RTN3: variants seen among roughly 807,000 people sequenced by gnomAD.
The protein encoded by RTN3 is reticulon-3.
RTN3 carries 49 observed loss-of-function variants against 77.8 expected under a neutral mutation model. The ratio of observed to expected loss-of-function variants is 0.63; its 90% CI spans 0.50 to 0.80. The LOEUF (loss-of-function observed/expected upper bound fraction) is 0.80. RTN3 is among the 30% of genes least tolerant of loss of function. RTN3 has a pLI of 0.00. For missense variants in RTN3, 1,236 were observed against 1,211.9 expected (o/e 1.02, Z -0.29); for synonymous variants, 464 against 446.9 (o/e 1.04, Z -0.48).
At chr11:63,728,818 C>T (rs2012462954) in intron 3 of RTN3, among the ~76,000 whole-genome samples, 1 of 147,542 alleles carries the variant, frequency 6.8e-6, no homozygotes, top group African/African-American at 2.5e-5. Context: ...ACCCAGGAGG[C>T]GGAGGTTGCA....
At chr11:63,684,833 C>T (rs1941280005) in intron 1 of RTN3, among the ~76,000 whole-genome samples, 2 of 152,114 alleles carry the variant, frequency 1.3e-5, no homozygotes, top group African/African-American at 4.8e-5. Context: ...GATCTTGGCT[C>T]ACTGCAACCT....
At chr11:63,742,689 A>G (rs2013557944) in intron 3 of RTN3, among the ~76,000 whole-genome samples, 2 of 152,132 alleles carry the variant, frequency 1.3e-5, no homozygotes, top group Admixed American at 1.3e-4. Context: ...GTGAAGAATT[A>G]TAGGTCAATT....
intron 3 of RTN3, among the ~76,000 whole-genome samples, chr11:63,746,567 T>A (rs926972758): frequency 1.3e-5 from 2 of 151,808 alleles, no homozygotes; most frequent in Non-Finnish European, 2.9e-5. Flanking sequence ...CAAGCTAGAG[T>A]GAAGTGGCGC....
rs199892486 is a variant in RTN3, at chr11:63,750,049, G to C, written c.2589G>C (p.Thr863=). Reference sequence around the variant, plus strand: ...AGACTGGGTTTGTCTTTGGCACCACGCTGATCATGCTGCTTTCCCTGGCAG... The same window carrying C: ...AGACTGGGTTTGTCTTTGGCACCACCCTGATCATGCTGCTTTCCCTGGCAG... ...VKKTGFVFGT[T]LIMLLSLAAF... is the part of the protein sequence containing the mutation. The change falls in exon 4 of 9, where the codon ACG becomes ACC. Residue 863 remains threonine, a synonymous_variant. Coordinates refer to ENST00000377819, the MANE Select transcript of RTN3 (RefSeq NM_001265589.2). 1.2e-6 allele frequency: 2 copies of C among 1,613,864 alleles called. No homozygotes were observed. The highest frequency in any genetic ancestry group is 4.5e-5 in the East Asian group (2 of 44,884).
At position 63,681,602 on chromosome 11, in the gene RTN3, CTT is replaced by C. The variant is rs1941040659; in HGVS notation, c.-32_-31del. On this transcript the variant is annotated 5_prime_UTR_variant, in exon 1 of 9. Coordinates refer to ENST00000377819, the MANE Select transcript of RTN3 (RefSeq NM_001265589.2). The stretch of plus-strand genomic sequence containing the variant: ...CCTCCCTCTCTCCCGCCCCGTATCT[CTT>C]TTCACCCTTCTCCCACCCTCGCTCG... 2 of 1,566,330 alleles carry C rather than the reference CTT, an allele frequency of 1.3e-6. No individual in the cohort carries two copies. The highest frequency in any genetic ancestry group is 1.1e-5 in the South Asian group (1 of 87,594).
rs112366604 is a variant in RTN3, at chr11:63,720,367, A to G, written c.1865A>G (p.Glu622Gly). The G allele has an allele frequency of 1.1e-5, 17 of 1,614,094 alleles. No individual in the cohort carries two copies. The African/African-American group carries it at 1.6e-4, about 15-fold the overall frequency. Reference sequence around the variant, plus strand: ...ACAGTGTCTCCAAATGTTTTTAATGAGACAGAATTCTCATTAAATGTGACA... The same window carrying G: ...ACAGTGTCTCCAAATGTTTTTAATGGGACAGAATTCTCATTAAATGTGACA... ...PSTVSPNVFN[E>G]TEFSLNVTTS... Residue 622 changes from glutamate to glycine, a missense_variant, in exon 3 of 9, where the codon GAG (glutamate) becomes GGG (glycine). This residue lies in a region of RTN3 where 1,056 missense variants were observed against 990.4 expected (regional missense o/e 1.07). Transcript: ENST00000377819.
At chr11:63,730,853 C>T (rs1174141020) in intron 3 of RTN3, among the ~76,000 whole-genome samples, 1 of 152,052 alleles carries the variant, frequency 6.6e-6, no homozygotes, top group East Asian at 1.9e-4. Context: ...TATTGGCAAT[C>T]TGTAATAATT....
At chr11:63,691,753 A>G (rs145143817) in intron 1 of RTN3, among the ~76,000 whole-genome samples, 6 of 152,280 alleles carry the variant, frequency 3.9e-5, no homozygotes, top group Non-Finnish European at 8.8e-5. Flanking sequence ...AATTCTGTCA[A>G]TCTCCATTGC....
chr11:63,729,259 G>A (rs901309014), intron 3 of RTN3, among the ~76,000 whole-genome samples: 11 of 151,976 alleles, frequency 7.2e-5, no homozygotes, highest in Non-Finnish European at 1.6e-4. Flanking sequence ...ATTGGAAGTG[G>A]TAAACACCTG....
rs567009833 is a variant in RTN3 at position 63,693,044 on chromosome 11, G to A, written c.142+11266G>A. ...CCTTCCTTGGCTTCTCGATGTGCTG[G>A]GATTACAGGCATAAGCCACCATGCC... On this transcript the variant is annotated intron_variant, in intron 1 of 8. Coordinates refer to ENST00000377819, the MANE Select transcript of RTN3 (RefSeq NM_001265589.2). Among the ~76,000 whole-genome samples, 3 of 152,090 alleles carry A rather than the reference G, an allele frequency of 2.0e-5. No individual in the cohort carries two copies. The South Asian group carries it at 6.2e-4, about 32-fold the overall frequency.
chr11:63,745,352 CTG>C (rs1276280048), intron 3 of RTN3, among the ~76,000 whole-genome samples: 1 of 152,162 alleles, frequency 6.6e-6, no homozygotes, highest in Non-Finnish European at 1.5e-5. Flanking sequence ...TCGGTAACAA[CTG>C]TGAAGAGCCT....
intron 1 of RTN3, among the ~76,000 whole-genome samples, chr11:63,686,382 A>G (rs1432639332): frequency 3.3e-5 from 5 of 150,606 alleles, no homozygotes; most frequent in Non-Finnish European, 7.4e-5. Flanking sequence ...GAGGCAGGAG[A>G]ATGGCGTGAA....
chr11:63,726,826 C>T (rs190494962), intron 3 of RTN3, among the ~76,000 whole-genome samples: 2 of 148,678 alleles, frequency 1.3e-5, no homozygotes, highest in East Asian at 4.0e-4. Context: ...CATGCCATTG[C>T]ACTACAGCCT....
At chr11:63,734,070 T>A (rs1043677792) in intron 3 of RTN3, among the ~76,000 whole-genome samples, 2 of 152,294 alleles carry the variant, frequency 1.3e-5, no homozygotes, top group Middle Eastern at 3.4e-3. Context: ...GGTAATTCCC[T>A]CAGTCTAATA....
intron 1 of RTN3, among the ~76,000 whole-genome samples, chr11:63,694,168 A>T (rs1056074663): frequency 6.6e-6 from 1 of 151,096 alleles, no homozygotes; most frequent in East Asian, 1.9e-4. Flanking sequence ...CCAGTTTATT[A>T]ATTAATTATG....
chr11:63,737,825 T>A (rs2013229555), intron 3 of RTN3, among the ~76,000 whole-genome samples: 1 of 152,176 alleles, frequency 6.6e-6, no homozygotes, highest in African/African-American at 2.4e-5. Flanking sequence ...TTGAAAGGGG[T>A]TCCTACATAT....
chr11:63,707,871 T>C, intron 2 of RTN3, among the ~76,000 whole-genome samples: 1 of 152,174 alleles, frequency 6.6e-6, no homozygotes, highest in Non-Finnish European at 1.5e-5. Context: ...TATCCTCGAA[T>C]GGGTTTCATT....
chr11:63,704,471 G>A (rs1942398300), intron 1 of RTN3, among the ~76,000 whole-genome samples: 1 of 152,138 alleles, frequency 6.6e-6, no homozygotes, highest in Non-Finnish European at 1.5e-5. Flanking sequence ...TCCAGGAATG[G>A]TTAAAAGCAA....
intron 3 of RTN3, among the ~76,000 whole-genome samples, chr11:63,749,484 T>C (rs1256687842): frequency 2.0e-5 from 3 of 152,208 alleles, no homozygotes; most frequent in Non-Finnish European, 4.4e-5. Flanking sequence ...TTTTATAGTC[T>C]GTTCACCTAA....
Sources: allele counts gnomAD v4.1 joint callset (sites outside exome capture counted in the v4.1 genomes callset), GRCh38; gene constraint gnomAD v4.1.1; regional missense constraint gnomAD v4.1.1; transcripts MANE v1.5; gene names NCBI Gene and HGNC (gene_info 2026-07-23, HGNC 2026-07-21).